TC2N: variants seen among roughly 807,000 people sequenced by gnomAD.
TC2N encodes tandem C2 domains nuclear protein.
Under a neutral mutation model 61.9 loss-of-function variants are expected in TC2N, and 51 were observed. The observed-to-expected ratio is 0.82, with a 90% CI of 0.66 to 1.04. The LOEUF (loss-of-function observed/expected upper bound fraction) is 1.04, where lower values mean the gene tolerates loss of function less well. Ranked by LOEUF, TC2N falls within the 50% of genes least tolerant of loss-of-function variation. TC2N has a pLI of 0.00. For synonymous variants in TC2N, 204 were observed against 192.6 expected (o/e 1.06, Z -0.49); for missense variants, 556 against 566.7 (o/e 0.98, Z 0.19).
rs1474061820 is a variant in TC2N, at chr14:91,787,549, GT to G, written c.1125del (p.Arg376GlyfsTer10). 1 of 1,612,506 alleles carries G rather than the reference GT, an allele frequency of 6.2e-7. No individual in the cohort carries two copies. The highest frequency in any genetic ancestry group is 8.5e-7 in the Non-Finnish European group (1 of 1,179,362). On this transcript the variant is annotated frameshift_variant, in exon 10 of 12. Transcript: ENST00000435962. LOFTEE classifies it high-confidence loss of function. ...NSRIQLQILE[A>X]RYLPSSSTPL... ...GGTGTTGATGAGCTTGGAAGGTACCGTGCCTCAAGAATTTGTAACTGAATTC... is the reference window on the plus strand; with the variant it reads ...GGTGTTGATGAGCTTGGAAGGTACCGGCCTCAAGAATTTGTAACTGAATTC...
intron 8 of TC2N, among the ~76,000 whole-genome samples, chr14:91,794,469 G>A (rs951150098): frequency 9.2e-5 from 14 of 152,116 alleles, no homozygotes; most frequent in African/African-American, 3.4e-4. Flanking sequence ...AGGGGCTAAT[G>A]CAATCAGTCA....
At chr14:91,841,862 G>C (rs1476394795) in intron 1 of TC2N, among the ~76,000 whole-genome samples, 5 of 151,920 alleles carry the variant, frequency 3.3e-5, no homozygotes, top group Non-Finnish European at 7.4e-5. Flanking sequence ...CCCATTATCA[G>C]TAAGACTCTA....
chr14:91,805,545 G>C (rs1205432684), intron 3 of TC2N, among the ~76,000 whole-genome samples: 1 of 152,012 alleles, frequency 6.6e-6, no homozygotes, highest in East Asian at 1.9e-4. Context: ...CGCGCCTGTA[G>C]TCCCAGCTAC....
At chr14:91,805,973 G>A (rs1050692756) in intron 3 of TC2N, among the ~76,000 whole-genome samples, 1 of 152,058 alleles carries the variant, frequency 6.6e-6, no homozygotes, top group Admixed American at 6.5e-5. Flanking sequence ...CATGTGTTGT[G>A]GGAGAGACCT....
At chr14:91,861,498 C>A (rs1888586919) in intron 1 of TC2N, among the ~76,000 whole-genome samples, 1 of 152,156 alleles carries the variant, frequency 6.6e-6, no homozygotes, top group African/African-American at 2.4e-5. Flanking sequence ...TGCCTTCCAA[C>A]TTTGGGATGG....
intron 1 of TC2N, among the ~76,000 whole-genome samples, chr14:91,819,849 T>C (rs906622330): frequency 6.6e-6 from 1 of 152,022 alleles, no homozygotes; most frequent in African/African-American, 2.4e-5. Flanking sequence ...CTGTAGAAAG[T>C]TAAAGATATA....
chr14:91,806,979 C>T (rs914623548), intron 3 of TC2N, among the ~76,000 whole-genome samples: 6 of 152,250 alleles, frequency 3.9e-5, no homozygotes, highest in African/African-American at 1.2e-4. Context: ...TGCCCTGCAT[C>T]CCAGTTGCTC....
rs1185837153 is a variant in TC2N at position 91,829,265 on chromosome 14, CTT to C, written c.-56-15442_-56-15441del. Among the ~76,000 whole-genome samples the C allele has an allele frequency of 5.9e-5, 9 of 152,084 alleles. No homozygotes were observed. The East Asian group carries it at 1.7e-3, about 29-fold the overall frequency. On this transcript the variant is annotated intron_variant, in intron 1 of 11. Transcript: ENST00000435962. ...CTTTAAATATTGTTTTTGCCCATTT[CTT>C]TTCTCTTTCTTTTCTTGCAGAAATT...
At chr14:91,860,832 G>A (rs1241591948) in intron 1 of TC2N, among the ~76,000 whole-genome samples, 1 of 152,186 alleles carries the variant, frequency 6.6e-6, no homozygotes, top group Non-Finnish European at 1.5e-5. Context: ...AACCCTCTAT[G>A]CAGTACGTGG....
Position 91,813,412 on chromosome 14 carries a change from C to T in TC2N, c.67+291G>A, listed in dbSNP as rs115982780. 3.9e-3 allele frequency among the ~76,000 whole-genome samples: 595 copies of T among 151,848 alleles called. 4 individuals are homozygous for T. Among genetic ancestry groups the T allele is most frequent in the African/African-American group, 0.013 (547 of 41,512 alleles). ...TTCATCCACCTGTAATGCCCATGTC[C>T]AATTTTCAGTTTCTCTTCCTTCTTC... is the stretch of plus-strand genomic sequence containing the variant. On this transcript the variant is annotated intron_variant, in intron 2 of 11. Transcript: ENST00000435962.
chr14:91,824,337 A>G (rs4900088), intron 1 of TC2N, among the ~76,000 whole-genome samples: 83,510 of 151,990 alleles, frequency 0.55, 23,153 homozygotes, highest in Admixed American at 0.59. Flanking sequence ...TCCTTTTGAG[A>G]TTCCCAAAGG....
At chr14:91,818,765 C>T (rs1378475097) in intron 1 of TC2N, among the ~76,000 whole-genome samples, 1 of 151,884 alleles carries the variant, frequency 6.6e-6, no homozygotes, top group Non-Finnish European at 1.5e-5. Context: ...GGATTAATAC[C>T]AGATTGGATA....
At position 91,849,105 on chromosome 14, in the gene TC2N, A is replaced by G. The variant is rs541787532; in HGVS notation, c.-57+18157T>C. Among the ~76,000 whole-genome samples, 35 of 152,262 alleles carry G rather than the reference A, an allele frequency of 2.3e-4. 1 individual carries two copies. The highest frequency in any genetic ancestry group is 7.2e-4 in the African/African-American group (30 of 41,546). ...TTAATAGGATATTTCCTGAAAAAAC[A>G]TTTGTGTGAATTAAGTGTAGGAGAC... On this transcript the variant is annotated intron_variant, in intron 1 of 11. Transcript: ENST00000435962.
chr14:91,822,075 TTA>T (rs1887280009), intron 1 of TC2N, among the ~76,000 whole-genome samples: 1 of 152,192 alleles, frequency 6.6e-6, no homozygotes, highest in Non-Finnish European at 1.5e-5. Flanking sequence ...CATGACCACT[TTA>T]GAAAACAGTT....
At chr14:91,788,163 G>C (rs1164973770) in intron 9 of TC2N, among the ~76,000 whole-genome samples, 2 of 152,118 alleles carry the variant, frequency 1.3e-5, no homozygotes, top group African/African-American at 4.8e-5. Flanking sequence ...AAGCTGGCAA[G>C]AAGGAAGCTA....
At chr14:91,812,569 T>C (rs756973422) in intron 2 of TC2N, 24 bp from the exon 3 acceptor site, 2 of 1,204,288 alleles carry the variant, frequency 1.7e-6, no homozygotes, top group African/African-American at 1.5e-5. Flanking sequence ...AAAAAAAAAG[T>C]CACAAATATG....
At chr14:91,790,619 G>A (rs186666174) in intron 9 of TC2N, among the ~76,000 whole-genome samples, 22 of 152,138 alleles carry the variant, frequency 1.4e-4, no homozygotes, top group Admixed American at 2.6e-4. Context: ...ATTTTCCAAC[G>A]CAGATAATAA....
In TC2N at chr14:91,810,486, A is replaced by G. The variant is rs1324046399; in HGVS notation, c.301+1826T>C. On this transcript the variant is annotated intron_variant, in intron 3 of 11. Coordinates refer to ENST00000435962, the MANE Select transcript of TC2N (RefSeq NM_001128596.3). ...GAGTCTCCACAACATAACATTCAAT[A>G]TTTTTGATATTGATATCAAGAATAC... Among the ~76,000 whole-genome samples, 3 of 152,188 alleles carry G rather than the reference A, an allele frequency of 2.0e-5. No homozygotes were observed. In the East Asian group the frequency reaches 5.8e-4, roughly 29 times the overall value.
At position 91,783,201 on chromosome 14, in the gene TC2N, T is replaced by C. The variant is rs1885207645; in HGVS notation, c.1372A>G (p.Ser458Gly). ...RKHFVGQIWI[S>G]EDSNNIEAVN... ...GCTTCAATGTTATTACTGTCTTCACTTATCCAAATCTGTAAAGGAAAGTAT... is the reference window on the plus strand; with the variant it reads ...GCTTCAATGTTATTACTGTCTTCACCTATCCAAATCTGTAAAGGAAAGTAT... The change falls in exon 12 of 12, where the codon AGT becomes GGT. Residue 458 changes from serine (S) to glycine (G), a missense_variant. Coordinates refer to ENST00000435962, the MANE Select transcript of TC2N (RefSeq NM_001128596.3). The C allele has an allele frequency of 2.5e-6, 4 of 1,593,328 alleles. No individual in the cohort carries two copies. The highest frequency in any genetic ancestry group is 3.4e-5 in the Admixed American group (2 of 59,530).
Sources: gnomAD v4.1 joint callset for allele counts (sites outside exome capture counted in the v4.1 genomes callset) on GRCh38, gnomAD v4.1.1 for gene constraint, MANE v1.5 for transcripts, NCBI Gene and HGNC (gene_info 2026-07-23, HGNC 2026-07-21) for gene names.